RIPOR2: variants seen among roughly 807,000 people sequenced by gnomAD.
RIPOR2 encodes the protein RHO family interacting cell polarization regulator 2.
RIPOR2 carries 39 observed loss-of-function variants against 114.5 expected under a neutral mutation model. The observed-to-expected ratio is 0.34, with a 90% CI of 0.26 to 0.44. The LOEUF (loss-of-function observed/expected upper bound fraction) is 0.44. Among genes scored for constraint, RIPOR2 ranks in the 20% least tolerant of loss-of-function variants. RIPOR2 has a pLI of 1.00. For missense variants in RIPOR2, 1,007 were observed against 1,255.1 expected (o/e 0.80, Z 2.99); for synonymous variants, 445 against 484.4 (o/e 0.92, Z 1.07).
At chr6:25,020,959 T>C (rs959917341) in intron 1 of RIPOR2, among the ~76,000 whole-genome samples, 2 of 152,046 alleles carry the variant, frequency 1.3e-5, no homozygotes, top group African/African-American at 4.8e-5. Context: ...TGGGTTCAAA[T>C]GATTCTCCTG....
At chr6:24,857,695 A>G (rs928022302) in intron 8 of RIPOR2, among the ~76,000 whole-genome samples, 7 of 152,216 alleles carry the variant, frequency 4.6e-5, no homozygotes, top group African/African-American at 1.4e-4. Flanking sequence ...TACTAGCTCA[A>G]TGGTGGTTCT....
intron 1 of RIPOR2, among the ~76,000 whole-genome samples, chr6:24,876,018 C>T (rs369653590): frequency 2.8e-4 from 43 of 152,232 alleles, no homozygotes; most frequent in South Asian, 2.1e-3. Context: ...TGGCCAGGTG[C>T]GGTGGCTCAC....
chr6:24,936,021 A>C (rs1387872757), upstream of RIPOR2: 1 of 672,602 alleles, frequency 1.5e-6, no homozygotes, highest in East Asian at 2.7e-5. Context: ...CAGCTTCCGC[A>C]TCTGCCCTGA....
At chr6:24,834,143 C>T (rs1193044627) in intron 15 of RIPOR2, among the ~76,000 whole-genome samples, 1 of 152,058 alleles carries the variant, frequency 6.6e-6, no homozygotes, top group Admixed American at 6.5e-5. Flanking sequence ...GTTTGTGAGA[C>T]CTTTGTGGTT....
chr6:24,905,803 A>G (rs1017478338), intron 1 of RIPOR2, among the ~76,000 whole-genome samples: 2 of 152,244 alleles, frequency 1.3e-5, no homozygotes, highest in Non-Finnish European at 2.9e-5. Context: ...TTGCTTTTGT[A>G]TTTCTCAGGT....
intron 1 of RIPOR2, among the ~76,000 whole-genome samples, chr6:24,911,718 T>G (rs1456584601): frequency 5.9e-5 from 9 of 152,118 alleles, no homozygotes; most frequent in Admixed American, 2.6e-4. Context: ...AAAAAGGGCC[T>G]TTTGGAGTGG....
intron 1 of RIPOR2, among the ~76,000 whole-genome samples, chr6:24,896,229 C>A (rs898698547): frequency 1.3e-5 from 2 of 152,100 alleles, no homozygotes; most frequent in African/African-American, 4.8e-5. Context: ...GTGGCTTTCA[C>A]GGGTTGCTTA....
intron 1 of RIPOR2, among the ~76,000 whole-genome samples, chr6:25,036,215 G>T (rs1192158676): frequency 6.6e-6 from 1 of 152,184 alleles, no homozygotes. Flanking sequence ...GTCGCCAGTG[G>T]TATCTCTGAG....
At chr6:24,981,440 T>C (rs779763199) in intron 1 of RIPOR2, among the ~76,000 whole-genome samples, 1 of 152,118 alleles carries the variant, frequency 6.6e-6, no homozygotes, top group Non-Finnish European at 1.5e-5. Flanking sequence ...CTAGGGAACA[T>C]TTCCTTGCCT....
chr6:24,979,161 C>G (rs547942116), intron 1 of RIPOR2, among the ~76,000 whole-genome samples: 2 of 152,148 alleles, frequency 1.3e-5, no homozygotes, highest in African/African-American at 4.8e-5. Flanking sequence ...TCTCAGCTGT[C>G]GTGCATCCTA....
chr6:24,879,767 GC>G (rs1450856909), intron 1 of RIPOR2, among the ~76,000 whole-genome samples: 2 of 152,168 alleles, frequency 1.3e-5, no homozygotes, highest in African/African-American at 4.8e-5. Context: ...AACTGATCAT[GC>G]ACCTCTTCGT....
intron 1 of RIPOR2, among the ~76,000 whole-genome samples, chr6:24,985,685 T>C (rs1391762000): frequency 6.6e-6 from 1 of 152,162 alleles, no homozygotes; most frequent in Non-Finnish European, 1.5e-5. Flanking sequence ...GGGACCCCCC[T>C]AGACCCCTGG....
At chr6:24,965,831 T>C (rs909902873) in intron 1 of RIPOR2, among the ~76,000 whole-genome samples, 5 of 152,236 alleles carry the variant, frequency 3.3e-5, no homozygotes, top group African/African-American at 1.2e-4. Flanking sequence ...CAAGAGCCAT[T>C]GTATAGGCCC....
intron 1 of RIPOR2, among the ~76,000 whole-genome samples, chr6:24,931,721 T>C (rs1462442364): frequency 2.0e-5 from 3 of 152,220 alleles, no homozygotes. Context: ...GAGAAATACT[T>C]TGCACACTTA....
intron 1 of RIPOR2, among the ~76,000 whole-genome samples, chr6:24,933,779 T>A (rs1771567459): frequency 6.6e-6 from 1 of 152,134 alleles, no homozygotes; most frequent in Admixed American, 6.6e-5. Context: ...AGTCTGAATC[T>A]CGTTTGACTC....
chr6:24,899,559 C>T (rs942312421), intron 1 of RIPOR2, among the ~76,000 whole-genome samples: 13 of 152,194 alleles, frequency 8.5e-5, no homozygotes, highest in African/African-American at 3.1e-4. Flanking sequence ...CCACATCTGA[C>T]GCTATTCATT....
At chr6:25,002,252 A>C (rs1190869554) in intron 1 of RIPOR2, among the ~76,000 whole-genome samples, 3 of 152,226 alleles carry the variant, frequency 2.0e-5, no homozygotes, top group Admixed American at 2.0e-4. Flanking sequence ...GGACAACCAT[A>C]TAAGTATTGG....
chr6:24,865,888 G>A (rs1439519589), intron 6 of RIPOR2, among the ~76,000 whole-genome samples: 7 of 152,130 alleles, frequency 4.6e-5, no homozygotes, highest in Non-Finnish European at 1.0e-4. Flanking sequence ...TAAGGAAGAT[G>A]AGAGCCTTCT....
intron 1 of RIPOR2, among the ~76,000 whole-genome samples, chr6:25,034,813 T>A (rs563439682): frequency 1.3e-4 from 20 of 152,354 alleles, no homozygotes; most frequent in African/African-American, 4.8e-4. Context: ...GTCCAGATCA[T>A]GTACATACAA....
Sources: gnomAD v4.1 joint callset for allele counts (sites outside exome capture counted in the v4.1 genomes callset) on GRCh38, gnomAD v4.1.1 for gene constraint, MANE v1.5 for transcripts, NCBI Gene and HGNC (gene_info 2026-07-23, HGNC 2026-07-21) for gene names.